Variants in MEGF11 observed in about 807,000 individuals in gnomAD.
The protein encoded by MEGF11 is multiple EGF like domains 11.
MEGF11 carries 126 observed loss-of-function variants against 146.6 expected under a neutral mutation model. That is an observed-to-expected ratio of 0.86 (90% CI 0.74 to 1.00). The LOEUF (loss-of-function observed/expected upper bound fraction) is 1.00, where lower values mean the gene tolerates loss of function less well. Among genes scored for constraint, MEGF11 ranks in the 50% least tolerant of loss-of-function variants. The pLI is 0.00. For synonymous variants in MEGF11, 532 were observed against 583.4 expected (o/e 0.91, Z 1.27); for missense variants, 1,509 against 1,521.2 (o/e 0.99, Z 0.13).
At chr15:66,067,276 T>C (rs568538391) in intron 5 of MEGF11, among the ~76,000 whole-genome samples, 2 of 152,342 alleles carry the variant, frequency 1.3e-5, no homozygotes, top group East Asian at 3.8e-4. Flanking sequence ...ACGTTACTAC[T>C]GCAGTTATTA....
intron 1 of MEGF11, among the ~76,000 whole-genome samples, chr15:66,238,245 C>A (rs1377054100): frequency 6.6e-6 from 1 of 151,144 alleles, no homozygotes; most frequent in Non-Finnish European, 1.5e-5. Context: ...CTGATCTAGG[C>A]CAGAAACGCC....
intron 1 of MEGF11, among the ~76,000 whole-genome samples, chr15:66,163,488 T>G (rs2090010697): frequency 6.6e-6 from 1 of 152,146 alleles, no homozygotes; most frequent in Non-Finnish European, 1.5e-5. Flanking sequence ...AGGCACAGGC[T>G]GAAAATCTGT....
At chr15:65,936,991 A>G (rs902507468) in intron 10 of MEGF11, among the ~76,000 whole-genome samples, 3 of 152,170 alleles carry the variant, frequency 2.0e-5, no homozygotes, top group African/African-American at 7.2e-5. Flanking sequence ...TGCCTACCAG[A>G]GAGTGAGAAG....
intron 1 of MEGF11, among the ~76,000 whole-genome samples, chr15:66,142,706 G>A (rs2089213641): frequency 6.6e-6 from 1 of 152,236 alleles, no homozygotes; most frequent in Admixed American, 6.5e-5. Context: ...GGACAAAAAA[G>A]CACAGAAGTG....
chr15:66,159,924 T>C (rs1303607416), intron 1 of MEGF11, among the ~76,000 whole-genome samples: 2 of 152,116 alleles, frequency 1.3e-5, no homozygotes, highest in Non-Finnish European at 2.9e-5. Flanking sequence ...GGAGTAACCA[T>C]GATTCTTCTA....
In MEGF11 at chr15:65,896,785, C is replaced by G. The variant is rs538987793; in HGVS notation, c.*1149G>C. ...AGTTTTAAGATAGAAGGTGGAAGGA[C>G]TTCATATCCTCATGCTGTTTACAGT... On this transcript the variant is annotated 3_prime_UTR_variant, in exon 26 of 26. Transcript: ENST00000395614. 3 of 152,262 alleles carry G rather than the reference C, an allele frequency of 2.0e-5. No individual in the cohort carries two copies. The highest frequency in any genetic ancestry group is 7.2e-5 in the African/African-American group (3 of 41,548). The allele number at this position is 152,262 out of a possible 1,614,324, so 9.4% of individuals were successfully genotyped here.
At chr15:66,250,997 C>T (rs1048185118) in intron 1 of MEGF11, among the ~76,000 whole-genome samples, 11 of 152,138 alleles carry the variant, frequency 7.2e-5, no homozygotes, top group Admixed American at 3.3e-4. Flanking sequence ...AAGAAGCAAA[C>T]GCCAGAATAC....
At chr15:66,200,360 T>C (rs1177451744) in intron 1 of MEGF11, among the ~76,000 whole-genome samples, 3 of 152,272 alleles carry the variant, frequency 2.0e-5, no homozygotes, top group Non-Finnish European at 4.4e-5. Flanking sequence ...GAGCTTGTAC[T>C]GTAAACCCAA....
chr15:66,128,563 G>A (rs924210422), intron 1 of MEGF11, 152 bp from the exon 2 acceptor site: 2 of 436,578 alleles, frequency 4.6e-6, no homozygotes, highest in Admixed American at 4.4e-5. Flanking sequence ...TGAGTAACAG[G>A]AGAGTGGGAA....
At chr15:66,034,260 A>G (rs757269015) in intron 5 of MEGF11, among the ~76,000 whole-genome samples, 1 of 152,128 alleles carries the variant, frequency 6.6e-6, no homozygotes, top group Non-Finnish European at 1.5e-5. Flanking sequence ...TCTCACCCAT[A>G]TCTGATTCAG....
chr15:66,055,768 G>A (rs533460909), intron 5 of MEGF11, among the ~76,000 whole-genome samples: 4 of 152,254 alleles, frequency 2.6e-5, no homozygotes, highest in South Asian at 2.1e-4. Flanking sequence ...AGCCTCACGC[G>A]GCCGCACTGC....
chr15:66,144,146 C>T (rs115577651), intron 1 of MEGF11, among the ~76,000 whole-genome samples: 1,917 of 152,288 alleles, frequency 0.013, 41 homozygotes, highest in African/African-American at 0.043. Flanking sequence ...ACCCTGGCTG[C>T]GCATTAGAAT....
intron 4 of MEGF11, among the ~76,000 whole-genome samples, chr15:66,105,415 T>G (rs2087021549): frequency 6.6e-6 from 1 of 152,192 alleles, no homozygotes; most frequent in African/African-American, 2.4e-5. Flanking sequence ...ATAAGTCCAT[T>G]GTGCAAGAAG....
In MEGF11 at chr15:65,932,958, G is replaced by A. The variant is rs182965396; in HGVS notation, c.1288-2015C>T. Among the ~76,000 whole-genome samples the A allele has an allele frequency of 8.5e-5, 13 of 152,190 alleles. No individual in the cohort carries two copies. The East Asian group carries it at 2.5e-3, about 29-fold the overall frequency. On this transcript the variant is annotated intron_variant, in intron 10 of 25. Coordinates refer to ENST00000395614, the MANE Select transcript of MEGF11 (RefSeq NM_001385028.1). Reference sequence around the variant, plus strand: ...TGCCCGTCTCTGAGTCTCAGTTCCCGCATCTCTGAAATGACAGGCTTGGCA... The same window carrying A: ...TGCCCGTCTCTGAGTCTCAGTTCCCACATCTCTGAAATGACAGGCTTGGCA...
chr15:66,208,086 G>GAAAA (rs758591227), intron 1 of MEGF11, among the ~76,000 whole-genome samples: 1 of 94,416 alleles, frequency 1.1e-5, no homozygotes. Context: ...CTGTGCCTCA[G>GAAAA]AAAAAAAAAA....
At chr15:66,201,361 A>G (rs1287934718) in intron 1 of MEGF11, among the ~76,000 whole-genome samples, 1 of 152,068 alleles carries the variant, frequency 6.6e-6, no homozygotes, top group Non-Finnish European at 1.5e-5. Context: ...GCTGCAGAGG[A>G]AGCCCCCACC....
chr15:66,229,967 C>T (rs934419578), intron 1 of MEGF11, among the ~76,000 whole-genome samples: 1 of 152,168 alleles, frequency 6.6e-6, no homozygotes, highest in African/African-American at 2.4e-5. Context: ...GGCAGTGGTG[C>T]GAACTTCCTG....
chr15:65,972,122 AAGAT>A (rs2081316517), intron 7 of MEGF11, among the ~76,000 whole-genome samples: 1 of 152,092 alleles, frequency 6.6e-6, no homozygotes, highest in Non-Finnish European at 1.5e-5. Context: ...GAGAGAGACA[AAGAT>A]AGAGAGATGA....
intron 5 of MEGF11, among the ~76,000 whole-genome samples, chr15:66,052,339 C>T (rs1338310083): frequency 1.3e-5 from 2 of 152,138 alleles, no homozygotes; most frequent in African/African-American, 4.8e-5. Flanking sequence ...TGTTACTTCC[C>T]CTGTTACTCT....
Sources: allele counts gnomAD v4.1 joint callset (sites outside exome capture counted in the v4.1 genomes callset), GRCh38; gene constraint gnomAD v4.1.1; transcripts MANE v1.5; gene names NCBI Gene and HGNC (gene_info 2026-07-23, HGNC 2026-07-21).